The following NTNG1 variants were observed in gnomAD, a reference collection of about 807,000 sequenced individuals.
NTNG1 encodes netrin-G1.
A neutral mutation model predicts 54.0 loss-of-function variants in NTNG1; 16 were observed. That is an observed-to-expected ratio of 0.30 (90% CI 0.20 to 0.45). NTNG1 has a LOEUF of 0.45. Among genes scored for constraint, NTNG1 ranks in the 20% least tolerant of loss-of-function variants. The pLI, the probability that NTNG1 is intolerant of heterozygous loss-of-function variation, is 1.00. For synonymous variants in NTNG1, 255 were observed against 263.1 expected (o/e 0.97, Z 0.30); for missense variants, 530 against 678.7 (o/e 0.78, Z 2.43).
At chr1:107,283,081 G>A (rs767515509) in intron 2 of NTNG1, among the ~76,000 whole-genome samples, 4 of 152,030 alleles carry the variant, frequency 2.6e-5, no homozygotes, top group Non-Finnish European at 5.9e-5. Flanking sequence ...CATTTTGGTG[G>A]TTAGGTTTCA....
chr1:107,372,937 T>C (rs1671013267), intron 3 of NTNG1, among the ~76,000 whole-genome samples: 1 of 152,186 alleles, frequency 6.6e-6, no homozygotes, highest in Non-Finnish European at 1.5e-5. Flanking sequence ...CTTAGTCTGA[T>C]ATTGATATAT....
chr1:107,388,219 G>A (rs1672137354), intron 3 of NTNG1, among the ~76,000 whole-genome samples: 1 of 152,136 alleles, frequency 6.6e-6, no homozygotes, highest in Non-Finnish European at 1.5e-5. Flanking sequence ...AGTAACTATA[G>A]AAATAATAAA....
chr1:107,468,694 TA>T, intron 7 of NTNG1, among the ~76,000 whole-genome samples: 1 of 152,176 alleles, frequency 6.6e-6, no homozygotes, highest in Non-Finnish European at 1.5e-5. Flanking sequence ...CTCAATTAAA[TA>T]AAAAAAGTCA....
chr1:107,392,812 T>G (rs976201506), intron 3 of NTNG1, among the ~76,000 whole-genome samples: 1 of 151,976 alleles, frequency 6.6e-6, no homozygotes, highest in Non-Finnish European at 1.5e-5. Context: ...GTGAGAAAAT[T>G]TATAAGTATG....
intron 2 of NTNG1, among the ~76,000 whole-genome samples, chr1:107,275,268 T>G (rs976514029): frequency 2.0e-5 from 3 of 151,920 alleles, no homozygotes; most frequent in Admixed American, 2.0e-4. Context: ...CCTCAGCTAC[T>G]CGGGAGGCTG....
chr1:107,463,893 C>T (rs977533106), intron 7 of NTNG1, among the ~76,000 whole-genome samples: 2 of 152,108 alleles, frequency 1.3e-5, no homozygotes, highest in African/African-American at 4.8e-5. Context: ...CTTTTAGATA[C>T]ATTTTCATTT....
At chr1:107,280,744 C>CA (rs1364679706) in intron 2 of NTNG1, among the ~76,000 whole-genome samples, 224 of 152,094 alleles carry the variant, frequency 1.5e-3, no homozygotes, top group African/African-American at 5.3e-3. Context: ...CTGCAGGCTG[C>CA]AAGCCTCAGG....
At chr1:107,263,301 CTTCCTTCCTTCCTTCCTTCCTTCT>C (rs1287399118) in intron 2 of NTNG1, among the ~76,000 whole-genome samples, 3 of 129,120 alleles carry the variant, frequency 2.3e-5, no homozygotes, top group Non-Finnish European at 5.5e-5. Flanking sequence ...TCCTTCCTTC[CTTCCTTCCTTCCTTCCTTCCTTCT>C]TTCCTTCCTT....
chr1:107,298,861 C>A (rs1666144271), intron 2 of NTNG1, among the ~76,000 whole-genome samples: 1 of 152,172 alleles, frequency 6.6e-6, no homozygotes, highest in Non-Finnish European at 1.5e-5. Flanking sequence ...AAACCTTCTA[C>A]TGGCATCCTC....
chr1:107,443,053 GGA>G (rs1475900892), intron 7 of NTNG1, among the ~76,000 whole-genome samples: 1 of 152,088 alleles, frequency 6.6e-6, no homozygotes, highest in African/African-American at 2.4e-5. Context: ...GACGCTTTCT[GGA>G]GAGTTTTGGC....
At chr1:107,171,751 T>C (rs1169508287) in intron 2 of NTNG1, among the ~76,000 whole-genome samples, 1 of 152,138 alleles carries the variant, frequency 6.6e-6, no homozygotes, top group Admixed American at 6.6e-5. Flanking sequence ...ACCTGCAGTA[T>C]TTCTGGAGAT....
intron 2 of NTNG1, among the ~76,000 whole-genome samples, chr1:107,171,478 A>G (rs946136340): frequency 1.4e-4 from 21 of 151,970 alleles, no homozygotes. Flanking sequence ...TTATGACTTG[A>G]GATTCAAGTT....
intron 1 of NTNG1, chr1:107,143,368 T>C (rs1653876879): frequency 6.6e-6 from 1 of 152,160 alleles, no homozygotes; most frequent in African/African-American, 2.4e-5. Flanking sequence ...TATTTGCAAG[T>C]GGTGCAAATA....
intron 2 of NTNG1, among the ~76,000 whole-genome samples, chr1:107,301,155 T>C (rs1666288676): frequency 6.6e-6 from 1 of 152,186 alleles, no homozygotes; most frequent in Admixed American, 6.6e-5. Flanking sequence ...TTTAAAAAAT[T>C]TAATAACAAT....
intron 2 of NTNG1, among the ~76,000 whole-genome samples, chr1:107,242,970 G>A (rs1181322166): frequency 6.6e-6 from 1 of 152,128 alleles, no homozygotes; most frequent in Non-Finnish European, 1.5e-5. Context: ...TCATATACAG[G>A]GAAAGTGAGC....
At chr1:107,286,022 C>T (rs1665175723) in intron 2 of NTNG1, among the ~76,000 whole-genome samples, 1 of 152,118 alleles carries the variant, frequency 6.6e-6, no homozygotes, top group African/African-American at 2.4e-5. Flanking sequence ...TATGAAGAGG[C>T]TGTAGGAGAT....
Position 107,474,526 on chromosome 1 carries a change from C to T in NTNG1, c.1391-6085C>T, listed in dbSNP as rs141073292. Among the ~76,000 whole-genome samples the T allele has an allele frequency of 2.4e-3, 361 of 152,246 alleles. 2 individuals carry two copies. The highest frequency in any genetic ancestry group is 8.3e-3 in the African/African-American group (344 of 41,554). ...ATTTGAAGTTCAGTGCAAGAGAGTCCCATGATTAACTAGCTGTATTTCTGA... is the reference window on the plus strand; with the variant it reads ...ATTTGAAGTTCAGTGCAAGAGAGTCTCATGATTAACTAGCTGTATTTCTGA... On this transcript the variant is annotated intron_variant, in intron 7 of 7. Coordinates refer to ENST00000370068, the MANE Select transcript of NTNG1 (RefSeq NM_001113226.3).
intron 2 of NTNG1, among the ~76,000 whole-genome samples, chr1:107,252,584 A>T (rs1364239337): frequency 6.6e-6 from 1 of 152,104 alleles, no homozygotes; most frequent in Non-Finnish European, 1.5e-5. Context: ...TTCTCTGCTC[A>T]GTTTTGCTGT....
At chr1:107,439,786 C>T (rs975055733) in intron 7 of NTNG1, among the ~76,000 whole-genome samples, 15 of 152,090 alleles carry the variant, frequency 9.9e-5, no homozygotes, top group East Asian at 7.8e-4. Flanking sequence ...CGGGGTAACA[C>T]GTGTCACAGT....
Sources: gnomAD v4.1 joint callset for allele counts (sites outside exome capture counted in the v4.1 genomes callset) on GRCh38, gnomAD v4.1.1 for gene constraint, MANE v1.5 for transcripts, NCBI Gene and HGNC (gene_info 2026-07-23, HGNC 2026-07-21) for gene names.